Variants in EDIL3 observed in about 807,000 individuals in gnomAD.
EDIL3 encodes EGF-like repeat and discoidin I-like domain-containing protein 3.
In EDIL3, 37 loss-of-function variants were observed where a neutral mutation model predicts 67.4. The observed-to-expected ratio is 0.55, with a 90% CI of 0.42 to 0.72. EDIL3 has a LOEUF of 0.72. EDIL3 is among the 30% of genes least tolerant of loss of function. The pLI is 0.00. For missense variants in EDIL3, 527 were observed against 586.3 expected (o/e 0.90, Z 1.04); for synonymous variants, 195 against 196.3 (o/e 0.99, Z 0.05).
At chr5:83,962,478 T>TA (rs1254676973) in intron 10 of EDIL3, among the ~76,000 whole-genome samples, 1 of 151,468 alleles carries the variant, frequency 6.6e-6, no homozygotes, top group African/African-American at 2.4e-5. Context: ...GTCTCACAGA[T>TA]ACTGAAACCA....
intron 3 of EDIL3, among the ~76,000 whole-genome samples, chr5:84,200,183 G>A (rs1743802493): frequency 6.6e-6 from 1 of 151,984 alleles, no homozygotes; most frequent in Non-Finnish European, 1.5e-5. Context: ...TTAAAAAGCA[G>A]AGTATTAACA....
At chr5:84,034,359 CTGTG>C (rs562943689) in intron 9 of EDIL3, among the ~76,000 whole-genome samples, 2 of 152,038 alleles carry the variant, frequency 1.3e-5, no homozygotes, top group Non-Finnish European at 2.9e-5. Context: ...GAAGGATATG[CTGTG>C]TGTGATTTTT....
chr5:84,090,186 C>T (rs1403219082), intron 6 of EDIL3, among the ~76,000 whole-genome samples: 4 of 152,174 alleles, frequency 2.6e-5, no homozygotes, highest in Non-Finnish European at 5.9e-5. Flanking sequence ...GTGGATTCCA[C>T]CTAAGGATGT....
At chr5:84,076,508 T>C (rs1263639167) in intron 6 of EDIL3, among the ~76,000 whole-genome samples, 1 of 152,196 alleles carries the variant, frequency 6.6e-6, no homozygotes, top group African/African-American at 2.4e-5. Flanking sequence ...TGTAACATTA[T>C]ACATTGGTCA....
chr5:84,310,814 G>T (rs1057507318), intron 1 of EDIL3, among the ~76,000 whole-genome samples: 4 of 152,038 alleles, frequency 2.6e-5, no homozygotes, highest in Admixed American at 6.5e-5. Flanking sequence ...TGTACCCCTA[G>T]AGCCTCCTAG....
chr5:84,028,041 T>A (rs1745848506), intron 9 of EDIL3, among the ~76,000 whole-genome samples: 1 of 152,180 alleles, frequency 6.6e-6, no homozygotes, highest in African/African-American at 2.4e-5. Flanking sequence ...GTCCCAAGAA[T>A]AATCCTCCAC....
At position 83,942,486 on chromosome 5, in the gene EDIL3, TTAAAG is replaced by T. The variant is rs1317490948; in HGVS notation, c.*928_*932del. On this transcript the variant is annotated 3_prime_UTR_variant, in exon 11 of 11. Transcript: ENST00000296591. ...TAAAATAAACAAATAAGCCGATTTT[TTAAAG>T]TAAATATAAGGATATGTAATTACCA... The T allele has an allele frequency of 6.6e-6, 1 of 152,060 alleles. No individual in the cohort carries two copies. The highest frequency in any genetic ancestry group is 2.4e-5 in the African/African-American group (1 of 41,438). The allele number at this position is 152,060 out of a possible 1,614,324, so 9.4% of individuals were successfully genotyped here.
Position 83,963,308 on chromosome 5 carries a change from T to C in EDIL3, c.1190A>G (p.Lys397Arg). ...KVTGIITQGAKDFGHVQFVGS... is the reference protein window; with the variant it reads ...KVTGIITQGARDFGHVQFVGS... ...AACAAACTGTACATGACCAAAATCTTTAGCTCCTTGTGTAATGATGCCAGT... is the reference window on the plus strand; with the variant it reads ...AACAAACTGTACATGACCAAAATCTCTAGCTCCTTGTGTAATGATGCCAGT... The change falls in exon 10 of 11, where the codon AAA becomes AGA. Residue 397 changes from lysine to arginine, a missense_variant. Lys to Arg is a conservative substitution (Grantham distance 26, BLOSUM62 2). Transcript: ENST00000296591. 6.2e-7 allele frequency: 1 copy of C among 1,610,326 alleles called. No individual in the cohort carries two copies. Among genetic ancestry groups the C allele is most frequent in the Non-Finnish European group, 8.5e-7 (1 of 1,177,740 alleles).
intron 3 of EDIL3, among the ~76,000 whole-genome samples, chr5:84,206,165 T>A (rs1743975238): frequency 6.6e-6 from 1 of 152,168 alleles, no homozygotes. Flanking sequence ...TTCATTTCGT[T>A]AGGTACCCAG....
At chr5:84,263,840 C>T (rs1440807714) in intron 1 of EDIL3, among the ~76,000 whole-genome samples, 1 of 152,110 alleles carries the variant, frequency 6.6e-6, no homozygotes, top group East Asian at 1.9e-4. Context: ...AGGGTGAGAG[C>T]ATGTGTACAA....
chr5:84,146,851 C>T (rs984794707), intron 4 of EDIL3, among the ~76,000 whole-genome samples: 15 of 151,978 alleles, frequency 9.9e-5, no homozygotes, highest in African/African-American at 3.1e-4. Context: ...TTCTCGGTCA[C>T]AATTCACCTT....
At chr5:84,302,554 G>A (rs199761298) in intron 1 of EDIL3, among the ~76,000 whole-genome samples, 11 of 152,180 alleles carry the variant, frequency 7.2e-5, no homozygotes, top group South Asian at 2.1e-4. Flanking sequence ...CCTCGGCCTC[G>A]CAAAGTGCTG....
intron 9 of EDIL3, among the ~76,000 whole-genome samples, chr5:83,972,455 C>G (rs1382567908): frequency 2.6e-5 from 4 of 151,924 alleles, no homozygotes; most frequent in Non-Finnish European, 4.4e-5. Flanking sequence ...AAATTTGTGC[C>G]CATCATCAAC....
intron 1 of EDIL3, among the ~76,000 whole-genome samples, chr5:84,255,244 T>C (rs1391589962): frequency 6.6e-6 from 1 of 152,176 alleles, no homozygotes; most frequent in South Asian, 2.1e-4. Flanking sequence ...CAGAAAGACA[T>C]GGCCCAACAT....
intron 1 of EDIL3, among the ~76,000 whole-genome samples, chr5:84,377,307 C>CAAAAAAAAAAAA (rs773972385): frequency 1.5e-5 from 1 of 68,092 alleles, no homozygotes; most frequent in Non-Finnish European, 3.1e-5. Context: ...GACTCCGTCT[C>CAAAAAAAAAAAA]AAAAAAAAAA....
intron 2 of EDIL3, among the ~76,000 whole-genome samples, chr5:84,248,549 C>T (rs1744958341): frequency 6.6e-6 from 1 of 152,150 alleles, no homozygotes; most frequent in South Asian, 2.1e-4. Flanking sequence ...CATCCATTCC[C>T]TAAGCTTCAA....
chr5:84,239,008 C>A (rs1744739867), intron 2 of EDIL3, among the ~76,000 whole-genome samples: 1 of 152,104 alleles, frequency 6.6e-6, no homozygotes. Context: ...ACCAAAAAAT[C>A]TATATATCTT....
At chr5:83,959,372 CTTTTCTGAAGTA>C (rs1375811756) in intron 10 of EDIL3, among the ~76,000 whole-genome samples, 2 of 150,818 alleles carry the variant, frequency 1.3e-5, no homozygotes, top group East Asian at 3.9e-4. Context: ...TTTCAGATTA[CTTTTCTGAAGTA>C]ATCTTGTGTC....
At position 84,384,458 on chromosome 5, in the gene EDIL3, G is replaced by T; in HGVS notation, c.-84C>A. On this transcript the variant is annotated 5_prime_UTR_variant, in exon 1 of 11. It adds an upstream start codon to the 5' untranslated region. Transcript: ENST00000296591. The stretch of plus-strand genomic sequence containing the variant: ...GCCGAGGTGGCAGCGCAGGGCAGCA[G>T]CAGACTCCGCCCCTACTAAAGAATT... The T allele has an allele frequency of 7.6e-7, 1 of 1,321,712 alleles. No homozygotes were observed. The highest frequency in any genetic ancestry group is 1.1e-6 in the Non-Finnish European group (1 of 925,536). 81.9% of individuals were successfully genotyped at this position (1,321,712 alleles called of 1,614,324 possible). A position where few individuals can be genotyped will look rare whatever the true frequency, so the allele number is the denominator to read the frequency against.
Sources: allele counts gnomAD v4.1 joint callset (sites outside exome capture counted in the v4.1 genomes callset), GRCh38; gene constraint gnomAD v4.1.1; transcripts MANE v1.5; gene names NCBI Gene and HGNC (gene_info 2026-07-23, HGNC 2026-07-21).